Variants in ZNF827 observed in about 807,000 individuals in gnomAD.
ZNF827 encodes the protein zinc finger protein 827.
ZNF827 carries 13 observed loss-of-function variants against 102.4 expected under a neutral mutation model. That is an observed-to-expected ratio of 0.13 (90% CI 0.08 to 0.20). The LOEUF (loss-of-function observed/expected upper bound fraction) is 0.20, where lower values mean the gene tolerates loss of function less well. Among genes scored for constraint, ZNF827 ranks in the 10% least tolerant of loss-of-function variants. The pLI, the probability that ZNF827 is intolerant of heterozygous loss-of-function variation, is 1.00. For synonymous variants in ZNF827, 523 were observed against 536.2 expected (o/e 0.98, Z 0.34); for missense variants, 1,103 against 1,344.4 (o/e 0.82, Z 2.81).
At chr4:145,859,694 C>T (rs534302179) in intron 5 of ZNF827, among the ~76,000 whole-genome samples, 19 of 152,258 alleles carry the variant, frequency 1.2e-4, no homozygotes, top group African/African-American at 4.6e-4. Context: ...CTGGTTCTCG[C>T]GTCCTCTCTA....
At chr4:145,808,951 C>T (rs1011393825) in intron 8 of ZNF827, among the ~76,000 whole-genome samples, 9 of 152,226 alleles carry the variant, frequency 5.9e-5, no homozygotes, top group Admixed American at 2.6e-4. Context: ...CAGGTATACA[C>T]GACCATACAT....
At chr4:145,798,778 G>A (rs550438053) in intron 8 of ZNF827, among the ~76,000 whole-genome samples, 3 of 152,308 alleles carry the variant, frequency 2.0e-5, no homozygotes, top group East Asian at 1.9e-4. Flanking sequence ...AAGGTTATCC[G>A]CTACATGATG....
chr4:145,763,849 GCCCTCCCCTCC>G lies in ZNF827; in HGVS notation c.3231-738_3231-728del, dbSNP rs1734874882. On this transcript the variant is annotated intron_variant, in intron 13 of 14. Coordinates refer to ENST00000508784, the MANE Select transcript of ZNF827 (RefSeq NM_001306215.2). The surrounding 1 kb of genome is among the most constrained non-coding windows in gnomAD (Gnocchi z 4.6). ...AATCACCCCCTCCCCAATCCCTTCTGCCCTCCCCTCCCCCTCCCCCAAGAGTGAAACGAAAT... is the reference window on the plus strand; with the variant it reads ...AATCACCCCCTCCCCAATCCCTTCTGCCCTCCCCCAAGAGTGAAACGAAAT... Among the ~76,000 whole-genome samples the G allele has an allele frequency of 6.6e-6, 1 of 151,016 alleles. No individual in the cohort carries two copies. The highest frequency in any genetic ancestry group is 1.5e-5 in the Non-Finnish European group (1 of 67,706).
chr4:145,797,691 C>T (rs1030585419), intron 8 of ZNF827, among the ~76,000 whole-genome samples: 1 of 152,260 alleles, frequency 6.6e-6, no homozygotes. Flanking sequence ...GGAATTAACA[C>T]TCTAAGGCTT....
intron 5 of ZNF827, among the ~76,000 whole-genome samples, chr4:145,857,751 G>A (rs7664221): frequency 0.045 from 6,888 of 152,176 alleles, 386 homozygotes; most frequent in East Asian, 0.16. Context: ...TGAACTTTGA[G>A]TGTCCTGGTG....
At chr4:145,882,419 G>A (rs987255401) in intron 4 of ZNF827, among the ~76,000 whole-genome samples, 2 of 152,192 alleles carry the variant, frequency 1.3e-5, no homozygotes, top group African/African-American at 4.8e-5. Context: ...GAAGGACCAA[G>A]CAGTGTTAAG....
At chr4:145,839,292 G>A (rs1472333208) in intron 7 of ZNF827, 1 of 152,192 alleles carries the variant, frequency 6.6e-6, no homozygotes, top group Non-Finnish European at 1.5e-5. Flanking sequence ...CCTTGTCGAG[G>A]GCCGCTGCAG....
chr4:145,934,490 C>A (rs1452690178), intron 1 of ZNF827, among the ~76,000 whole-genome samples: 1 of 152,196 alleles, frequency 6.6e-6, no homozygotes, highest in African/African-American at 2.4e-5. Flanking sequence ...TCTGAACAGT[C>A]CCATGGGTGT....
At position 145,870,265 on chromosome 4, in the gene ZNF827, T is replaced by A; in HGVS notation, c.1961A>T (p.Glu654Val). ...RRDVSVKAASELLMKLSAESY... is the reference protein window; with the variant it reads ...RRDVSVKAASVLLMKLSAESY... ...AGTACCTGAGAGTTTCATGAGAAGT[T>A]CAGAGGCTGCTTTGACTGACACATC... Residue 654 changes from glutamate to valine, a missense_variant, in exon 5 of 15, where the codon GAA (glutamate) becomes GTA (valine). Glu to Val is a moderately radical substitution (Grantham distance 121, BLOSUM62 -2). Coordinates refer to ENST00000508784, the MANE Select transcript of ZNF827 (RefSeq NM_001306215.2). 1 of 1,614,024 alleles carries A rather than the reference T, an allele frequency of 6.2e-7. No individual in the cohort carries two copies. Among genetic ancestry groups the A allele is most frequent in the Non-Finnish European group, 8.5e-7 (1 of 1,179,940 alleles).
rs554756988 is a variant in ZNF827, at chr4:145,870,992, A to G, written c.1748-514T>C. 6.6e-5 allele frequency among the ~76,000 whole-genome samples: 10 copies of G among 152,348 alleles called. No individual in the cohort carries two copies. The South Asian group carries it at 2.1e-3, about 32-fold the overall frequency. On this transcript the variant is annotated intron_variant, in intron 4 of 14. Coordinates refer to ENST00000508784, the MANE Select transcript of ZNF827 (RefSeq NM_001306215.2). ...AGAGATAGACCACTCTTGCCTCATT[A>G]TAAGACGACACTACTGATCCATAAA...
chr4:145,898,035 G>A (rs982440190), intron 2 of ZNF827, among the ~76,000 whole-genome samples: 1 of 152,252 alleles, frequency 6.6e-6, no homozygotes, highest in Middle Eastern at 3.4e-3. Flanking sequence ...CATGCCTGTA[G>A]TCCCAGCTTC....
chr4:145,870,319 T>A lies in ZNF827; in HGVS notation c.1907A>T (p.Gln636Leu). Residue 636 changes from glutamine (Q) to leucine (L), a missense_variant, in exon 5 of 15, where the codon CAG (glutamine) becomes CTG (leucine). Gln to Leu is a moderately radical substitution (Grantham distance 113). Transcript: ENST00000508784. ...CCTTAGCACACTTCCCTTCCCTTCCTGGGGCTTTAGTGCGTCCTCAGAGAC... is the reference window on the plus strand; with the variant it reads ...CCTTAGCACACTTCCCTTCCCTTCCAGGGGCTTTAGTGCGTCCTCAGAGAC... ...PGVSEDALKP[Q>L]EGKGSVLRRD... 1 of 1,614,128 alleles carries A rather than the reference T, an allele frequency of 6.2e-7. No individual in the cohort carries two copies. The highest frequency in any genetic ancestry group is 8.5e-7 in the Non-Finnish European group (1 of 1,180,002).
At chr4:145,841,123 C>T (rs950267201) in intron 7 of ZNF827, among the ~76,000 whole-genome samples, 1 of 152,160 alleles carries the variant, frequency 6.6e-6, no homozygotes, top group Non-Finnish European at 1.5e-5. Flanking sequence ...CCCCCATGGA[C>T]ACTGAATTAT....
At chr4:145,900,365 A>C (rs78330874) in intron 2 of ZNF827, among the ~76,000 whole-genome samples, 2,602 of 152,248 alleles carry the variant, frequency 0.017, 72 homozygotes, top group African/African-American at 0.059. Context: ...TCACACATTT[A>C]TTCAATAACT....
At chr4:145,835,511 G>A (rs1311359778) in intron 7 of ZNF827, among the ~76,000 whole-genome samples, 156 of 148,648 alleles carry the variant, frequency 1.0e-3, no homozygotes, top group Middle Eastern at 3.2e-3. Flanking sequence ...TTATTAGGCT[G>A]AGACACTTTA....
At chr4:145,926,716 C>T (rs1026935073) in intron 1 of ZNF827, among the ~76,000 whole-genome samples, 12 of 152,032 alleles carry the variant, frequency 7.9e-5, no homozygotes, top group Admixed American at 7.2e-4. Context: ...CATTAAAAGC[C>T]AATATCAATT....
At chr4:145,937,541 C>T (rs1324308871) in intron 1 of ZNF827, among the ~76,000 whole-genome samples, 1 of 147,402 alleles carries the variant, frequency 6.8e-6, no homozygotes, top group Non-Finnish European at 1.5e-5. Context: ...CGCCGCTGCC[C>T]GGCCTCGCCC....
chr4:145,937,425 G>A (rs1319587092), intron 1 of ZNF827, among the ~76,000 whole-genome samples: 2 of 151,760 alleles, frequency 1.3e-5, no homozygotes, highest in Non-Finnish European at 2.9e-5. Flanking sequence ...ATTGCGGCCA[G>A]GAGCCCTGCT....
At chr4:145,924,859 CTT>C (rs1753315461) in intron 1 of ZNF827, among the ~76,000 whole-genome samples, 1 of 152,168 alleles carries the variant, frequency 6.6e-6, no homozygotes, top group African/African-American at 2.4e-5. Flanking sequence ...AGTCCCTTAT[CTT>C]AGTGTCTCTC....
Sources: allele counts gnomAD v4.1 joint callset (sites outside exome capture counted in the v4.1 genomes callset), GRCh38; gene constraint gnomAD v4.1.1; non-coding constraint Gnocchi (gnomAD v3.1); transcripts MANE v1.5; gene names NCBI Gene and HGNC (gene_info 2026-07-23, HGNC 2026-07-21).